PTBP3: variants seen among roughly 807,000 people sequenced by gnomAD.
PTBP3 encodes the protein polypyrimidine tract binding protein 3, also known as polypyrimidine tract-binding protein 3.
PTBP3 carries 20 observed loss-of-function variants against 58.7 expected under a neutral mutation model. That is an observed-to-expected ratio of 0.34 (90% CI 0.24 to 0.50). The LOEUF (loss-of-function observed/expected upper bound fraction) is 0.50. Among genes scored for constraint, PTBP3 ranks in the 20% least tolerant of loss-of-function variants. The pLI, the probability that PTBP3 is intolerant of heterozygous loss-of-function variation, is 0.98. For synonymous variants in PTBP3, 185 were observed against 219.8 expected (o/e 0.84, Z 1.40); for missense variants, 509 against 637.2 (o/e 0.80, Z 2.17).
At chr9:112,277,807 A>C (rs1040807395) in intron 2 of PTBP3, among the ~76,000 whole-genome samples, 2 of 151,890 alleles carry the variant, frequency 1.3e-5, no homozygotes, top group Non-Finnish European at 2.9e-5. Context: ...ACCCAGGAGG[A>C]GGAGACTGCA....
chr9:112,328,701 G>C (rs7853917), intron 1 of PTBP3, among the ~76,000 whole-genome samples: 7,052 of 152,212 alleles, frequency 0.046, 401 homozygotes, highest in African/African-American at 0.14. Context: ...GAGGTGAAAG[G>C]ATGGCTTGAG....
At chr9:112,297,631 ATC>A (rs1336957640) in intron 2 of PTBP3, among the ~76,000 whole-genome samples, 199 bp downstream of exon 2, 1 of 152,220 alleles carries the variant, frequency 6.6e-6, no homozygotes, top group African/African-American at 2.4e-5. Flanking sequence ...ATCAAATTAG[ATC>A]CAAATGAATC....
the PTBP3 span, among the ~76,000 whole-genome samples, chr9:112,359,648 C>A: frequency 1.3e-5 from 2 of 151,788 alleles, no homozygotes; most frequent in Admixed American, 6.6e-5. Context: ...TACAAAAATT[C>A]AAAAATTAGC....
the PTBP3 span, among the ~76,000 whole-genome samples, chr9:112,341,317 A>G: frequency 6.6e-6 from 1 of 151,922 alleles, no homozygotes; most frequent in Non-Finnish European, 1.5e-5. Flanking sequence ...TTTTTAGTAG[A>G]GATGGTGTTT....
chr9:112,302,053 G>A (rs1350294094), intron 1 of PTBP3, among the ~76,000 whole-genome samples: 2 of 152,070 alleles, frequency 1.3e-5, no homozygotes, highest in Non-Finnish European at 2.9e-5. Context: ...TCAACACTGT[G>A]CTTCTGTACA....
intron 2 of PTBP3, among the ~76,000 whole-genome samples, chr9:112,290,703 T>TACACACACACACAC (rs1441556582): frequency 3.3e-4 from 21 of 64,586 alleles, no homozygotes; most frequent in South Asian, 5.0e-4. Flanking sequence ...TATATATATA[T>TACACACACACACAC]ATATACACAC....
the PTBP3 span, among the ~76,000 whole-genome samples, chr9:112,372,982 T>C: frequency 6.6e-6 from 1 of 150,762 alleles, no homozygotes; most frequent in Non-Finnish European, 1.5e-5. Context: ...CACTGCAGCC[T>C]CTCCCAGGTT....
chr9:112,320,291 A>AAATATATATATATAT (rs1411646280), intron 1 of PTBP3, among the ~76,000 whole-genome samples: 2 of 73,566 alleles, frequency 2.7e-5, no homozygotes, highest in Non-Finnish European at 4.5e-5. Flanking sequence ...AAAAAAAAAA[A>AAATATATATATATAT]ATATATATAT....
At chr9:112,343,212 A>ATTT in the PTBP3 span, among the ~76,000 whole-genome samples, 127 of 147,950 alleles carry the variant, frequency 8.6e-4, no homozygotes, top group South Asian at 2.8e-3. Context: ...ACTCTGAACA[A>ATTT]TTTTTTTTTT....
rs557691481 is a variant in PTBP3, at chr9:112,226,095, C to T, written c.1364+1316G>A. 7.2e-4 allele frequency among the ~76,000 whole-genome samples: 110 copies of T among 151,770 alleles called. 1 individual carries two copies. The highest frequency in any genetic ancestry group is 2.6e-3 in the African/African-American group (106 of 41,414). ...ATTAAAAGCTAATGATGACAGGTGC[C>T]TGCCTCAGTATCTAATTGTTGTCCA... On this transcript the variant is annotated intron_variant, in intron 12 of 13. Coordinates refer to ENST00000374257, the MANE Select transcript of PTBP3 (RefSeq NM_001163788.4).
rs143588760 is a variant in PTBP3 at position 112,308,124 on chromosome 9, C to T, written c.-51-10208G>A. Among the ~76,000 whole-genome samples the T allele has an allele frequency of 2.0e-5, 3 of 152,308 alleles. No homozygotes were observed. In the East Asian group the frequency reaches 5.8e-4, roughly 29 times the overall value. Reference sequence around the variant, plus strand: ...GGAGTACAGCGGCATAATCAGGGCTCAAGCCATCCTCCTGCCTTGGTCTCC... The same window carrying T: ...GGAGTACAGCGGCATAATCAGGGCTTAAGCCATCCTCCTGCCTTGGTCTCC... On this transcript the variant is annotated intron_variant, in intron 1 of 13. Transcript: ENST00000374257.
chr9:112,305,756 C>T (rs768680868), intron 1 of PTBP3, among the ~76,000 whole-genome samples: 1 of 151,944 alleles, frequency 6.6e-6, no homozygotes, highest in South Asian at 2.1e-4. Context: ...CTGGCTGACA[C>T]GGTGTAACCC....
At chr9:112,295,245 G>GAA (rs200186001) in intron 2 of PTBP3, among the ~76,000 whole-genome samples, 52 of 118,558 alleles carry the variant, frequency 4.4e-4, no homozygotes, top group African/African-American at 6.2e-4. Flanking sequence ...AGTCTCAAAA[G>GAA]AAAAAAAAAA....
chr9:112,220,682 G>T lies in PTBP3; in HGVS notation c.*3169C>A, dbSNP rs1834776303. The T allele has an allele frequency of 7.1e-6, 7 of 985,778 alleles. No individual in the cohort carries two copies. In the South Asian group the frequency reaches 3.3e-4, roughly 46 times the overall value. The allele number at this position is 985,778 out of a possible 1,614,324, so 61.1% of individuals were successfully genotyped here. A position where few individuals can be genotyped will look rare whatever the true frequency, so the allele number is the denominator to read the frequency against. On this transcript the variant is annotated 3_prime_UTR_variant, in exon 14 of 14. Coordinates refer to ENST00000374257, the MANE Select transcript of PTBP3 (RefSeq NM_001163788.4). ...CAGTAAGTATCAATTAAGATACTGG[G>T]TCATTTTTCTATTTGTATGTTACAC...
intron 5 of PTBP3, among the ~76,000 whole-genome samples, chr9:112,255,449 A>G (rs559159656): frequency 6.6e-6 from 1 of 152,168 alleles, no homozygotes; most frequent in Non-Finnish European, 1.5e-5. Flanking sequence ...CAGCAACTCA[A>G]TGTTTTCTCT....
Position 112,241,687 on chromosome 9 carries a change from T to C in PTBP3, c.803-6790A>G, listed in dbSNP as rs546815073. The stretch of plus-strand genomic sequence containing the variant: ...ACCTAATGACACGTTTCTCAGAACG[T>C]ATCCCTGTGGTTAAGCAATACATGA... On this transcript the variant is annotated intron_variant, in intron 7 of 13. Transcript: ENST00000374257. Among the ~76,000 whole-genome samples the C allele has an allele frequency of 2.0e-5, 3 of 152,322 alleles. No individual in the cohort carries two copies. The East Asian group carries it at 5.8e-4, about 29-fold the overall frequency.
chr9:112,251,101 A>T lies in PTBP3; in HGVS notation c.630T>A (p.Ala210=), dbSNP rs764570517. 5.1e-6 allele frequency: 8 copies of T among 1,555,678 alleles called. No individual in the cohort carries two copies. The South Asian group carries it at 9.8e-5, about 19-fold the overall frequency. The change falls in exon 7 of 14, where the codon GCT becomes GCA. Residue 210 remains alanine, a splice_region_variant and synonymous_variant. Coordinates refer to ENST00000374257, the MANE Select transcript of PTBP3 (RefSeq NM_001163788.4). ...DPVNAHYAKM[A]LDGQNIYNAC... The stretch of plus-strand genomic sequence containing the variant: ...CATTATAGATATTCTGGCCATCCAG[A>T]GCCTAAAGCATGTAAGAAAGGGACT...
chr9:112,339,697 G>A, the PTBP3 span, among the ~76,000 whole-genome samples: 1 of 151,774 alleles, frequency 6.6e-6, no homozygotes, highest in East Asian at 1.9e-4. Flanking sequence ...CCAAGTAGCT[G>A]GGATTACAGG....
intron 1 of PTBP3, among the ~76,000 whole-genome samples, chr9:112,325,357 G>A (rs1398580674): frequency 6.6e-6 from 1 of 152,116 alleles, no homozygotes; most frequent in Non-Finnish European, 1.5e-5. Context: ...GAGCCACCAG[G>A]AATTCACGCC....
Sources: allele counts gnomAD v4.1 joint callset (sites outside exome capture counted in the v4.1 genomes callset), GRCh38; gene constraint gnomAD v4.1.1; transcripts MANE v1.5; gene names NCBI Gene and HGNC (gene_info 2026-07-23, HGNC 2026-07-21).